The following PMPCB variants were observed in gnomAD, a reference collection of about 807,000 sequenced individuals.
PMPCB encodes peptidase, mitochondrial processing subunit beta.
In PMPCB, 46 loss-of-function variants were observed where a neutral mutation model predicts 61.5. The observed-to-expected ratio is 0.75, with a 90% CI of 0.59 to 0.96. The LOEUF (loss-of-function observed/expected upper bound fraction) is 0.96, where lower values mean the gene tolerates loss of function less well. Ranked by LOEUF, PMPCB falls within the 40% of genes least tolerant of loss-of-function variation. The pLI, the probability that PMPCB is intolerant of heterozygous loss-of-function variation, is 0.00. For synonymous variants in PMPCB, 191 were observed against 201.6 expected (o/e 0.95, Z 0.44); for missense variants, 590 against 602.4 (o/e 0.98, Z 0.22).
chr7:103,307,814 A>G (rs1817629329), intron 7 of PMPCB, 106 bp downstream of exon 7: 1 of 677,268 alleles, frequency 1.5e-6, no homozygotes. Context: ...AGAATGGAAT[A>G]ATAGGAAAAG....
intron 8 of PMPCB, among the ~76,000 whole-genome samples, 198 bp from the exon 9 acceptor site, chr7:103,310,117 T>C (rs1817694725): frequency 6.6e-6 from 1 of 152,192 alleles, no homozygotes; most frequent in East Asian, 1.9e-4. Context: ...CATGAATTTC[T>C]CCAGGGGGTG....
chr7:103,326,847 G>GCA (rs1271964529), intron 12 of PMPCB, among the ~76,000 whole-genome samples: 1 of 152,102 alleles, frequency 6.6e-6, no homozygotes. Context: ...AACAGCTTTA[G>GCA]CACTACTGGA....
intron 12 of PMPCB, chr7:103,327,582 T>A: frequency 4.0e-6 from 4 of 1,006,416 alleles, no homozygotes; most frequent in Non-Finnish European, 6.0e-6. Context: ...ACAGTATGCA[T>A]AAGAAACCCA....
the PMPCB span, among the ~76,000 whole-genome samples, chr7:103,338,225 A>T: frequency 6.6e-6 from 1 of 150,432 alleles, no homozygotes; most frequent in Non-Finnish European, 1.5e-5. Flanking sequence ...AGCTGTGATC[A>T]TGCCACTGCA....
intron 1 of PMPCB, 88 bp downstream of exon 1, chr7:103,297,646 A>G: frequency 6.3e-7 from 1 of 1,578,024 alleles, no homozygotes; most frequent in Non-Finnish European, 8.6e-7. Flanking sequence ...AGATCCGAAC[A>G]GTGGGTCGGG....
intron 1 of PMPCB, chr7:103,297,846 A>T (rs1428421499): frequency 2.7e-6 from 4 of 1,487,982 alleles, no homozygotes; most frequent in Admixed American, 4.1e-5. Context: ...GTGCTTGCAA[A>T]TTGGGGAAAA....
intron 12 of PMPCB, chr7:103,321,864 A>G: frequency 6.5e-7 from 1 of 1,529,376 alleles, no homozygotes; most frequent in Non-Finnish European, 8.9e-7. Context: ...AAACAAACAA[A>G]AAGAAGTATT....
At chr7:103,335,957 C>T in the PMPCB span, 3 of 152,226 alleles carry the variant, frequency 2.0e-5, no homozygotes, top group Admixed American at 6.5e-5. Flanking sequence ...CACCTGAGGT[C>T]GGGAGTTCGA....
In PMPCB at chr7:103,297,466, G is replaced by A. The variant is rs752476926; in HGVS notation, c.7G>A (p.Ala3Thr). 5.2e-6 allele frequency: 8 copies of A among 1,542,972 alleles called. No homozygotes were observed. Among genetic ancestry groups the A allele is most frequent in the Non-Finnish European group, 6.1e-6 (7 of 1,144,304 alleles). ...TACCTTCCTTCTAGCAGAAATGGCG[G>A]CTGCGGCGGCTCGAGTGGTGTTGTC... MA[A>T]AAARVVLSSA... is the part of the protein sequence containing the mutation. Residue 3 changes from alanine (A) to threonine (T), a missense_variant, in exon 1 of 13, where the codon GCT (alanine) becomes ACT (threonine). Coordinates refer to ENST00000249269, the MANE Select transcript of PMPCB (RefSeq NM_004279.3).
At chr7:103,327,778 T>A (rs749980939) in intron 12 of PMPCB, 1 of 1,540,400 alleles carries the variant, frequency 6.5e-7, no homozygotes, top group Non-Finnish European at 8.9e-7. Flanking sequence ...CAGATTGAGA[T>A]AATTTGTCAC....
At chr7:103,302,837 T>C (rs1176519373) in intron 4 of PMPCB, among the ~76,000 whole-genome samples, 1 of 152,164 alleles carries the variant, frequency 6.6e-6, no homozygotes, top group African/African-American at 2.4e-5. Flanking sequence ...CCCAGGAATT[T>C]TGAGTCCAGT....
chr7:103,323,764 C>T, intron 12 of PMPCB: 1 of 920,052 alleles, frequency 1.1e-6, no homozygotes, highest in Non-Finnish European at 1.5e-6. Context: ...ACCTTTCCTT[C>T]CCTTCTAGTA....
At chr7:103,315,794 C>G (rs897425708), downstream of PMPCB, 1 of 1,613,780 alleles carries the variant, frequency 6.2e-7, no homozygotes, top group Non-Finnish European at 8.5e-7. Flanking sequence ...GTTGCGTTGT[C>G]TGCTTGAGGT....
chr7:103,330,556 G>C (rs1018307989), downstream of PMPCB, among the ~76,000 whole-genome samples: 7 of 152,122 alleles, frequency 4.6e-5, no homozygotes, highest in African/African-American at 1.7e-4. Context: ...GGGTTCAAGA[G>C]ATTTCCTGCC....
chr7:103,301,868 T>G (rs1004051975), intron 4 of PMPCB, among the ~76,000 whole-genome samples: 1 of 152,144 alleles, frequency 6.6e-6, no homozygotes, highest in Non-Finnish European at 1.5e-5. Context: ...TTGTTACATA[T>G]GTATTCATGT....
chr7:103,319,691 AAAG>A lies in PMPCB; in HGVS notation c.*1431+7566_*1431+7568del, dbSNP rs754876265. 8.7e-6 allele frequency: 14 copies of A among 1,614,054 alleles called. No individual in the cohort carries two copies. In the African/African-American group the frequency reaches 1.1e-4, roughly 12 times the overall value. Reference sequence around the variant, plus strand: ...CAAGCACTGTAAGCTAAAGAAAAAAAAAGAAGAAATGAAACTTTATCCTAAGCT... The same window carrying A: ...CAAGCACTGTAAGCTAAAGAAAAAAAAAGAAATGAAACTTTATCCTAAGCT... On this transcript the variant is annotated intron_variant and NMD_transcript_variant, in intron 12 of 12. Transcript: ENST00000444457.
Position 103,297,495 on chromosome 7 carries a change from C to T in PMPCB, c.36C>T (p.Ser12=), listed in dbSNP as rs1817314090. The part of the protein sequence containing the change: ...AAAAARVVLS[S]AARRRLWGFS... ...CGGCGGCTCGAGTGGTGTTGTCATC[C>T]GCGGCGCGGCGGCGGCTCTGGGGTT... is the stretch of plus-strand genomic sequence containing the variant. The change falls in exon 1 of 13, where the codon TCC becomes TCT. Residue 12 remains serine (S), a synonymous_variant. Coordinates refer to ENST00000249269, the MANE Select transcript of PMPCB (RefSeq NM_004279.3). 3.2e-6 allele frequency: 5 copies of T among 1,573,030 alleles called. No individual in the cohort carries two copies. The highest frequency in any genetic ancestry group is 2.3e-5 in the East Asian group (1 of 44,222).
In PMPCB at chr7:103,298,693, G is replaced by T; in HGVS notation, c.225G>T (p.Gly75=). ...TCAGAGTAGCTTCGGAAGACTCTGG[G>T]CTCTCAACATGCACAGTAAGTGACT... The part of the protein sequence containing the change: ...SGLRVASEDS[G]LSTCTVGLWI... The change falls in exon 2 of 13, where the codon GGG becomes GGT. Residue 75 remains glycine, a synonymous_variant. Coordinates refer to ENST00000249269, the MANE Select transcript of PMPCB (RefSeq NM_004279.3). 1 of 1,614,072 alleles carries T rather than the reference G, an allele frequency of 6.2e-7. No individual in the cohort carries two copies. The highest frequency in any genetic ancestry group is 1.1e-5 in the South Asian group (1 of 91,066).
downstream of PMPCB, among the ~76,000 whole-genome samples, chr7:103,330,351 A>C (rs531257752): frequency 3.3e-5 from 5 of 152,126 alleles, no homozygotes; most frequent in South Asian, 1.0e-3. Flanking sequence ...AGTGGCACCC[A>C]ATCTCAGCTC....
Sources: allele counts gnomAD v4.1 joint callset (sites outside exome capture counted in the v4.1 genomes callset), GRCh38; gene constraint gnomAD v4.1.1; transcripts MANE v1.5; gene names NCBI Gene and HGNC (gene_info 2026-07-23, HGNC 2026-07-21).